GPR107: variants seen among roughly 807,000 people sequenced by gnomAD.
GPR107 encodes the protein protein GPR107.
In GPR107, 31 loss-of-function variants were observed where a neutral mutation model predicts 75.5. The observed-to-expected ratio is 0.41, with a 90% CI of 0.31 to 0.55. The LOEUF (loss-of-function observed/expected upper bound fraction) is 0.55. Ranked by LOEUF, GPR107 falls within the 20% of genes least tolerant of loss-of-function variation. The probability of loss-of-function intolerance (pLI) is 0.26; values close to 1 mark genes in which losing one functional copy is unlikely to be tolerated. For missense variants in GPR107, 572 were observed against 665.7 expected, an observed-to-expected ratio of 0.86 and a Z score of 1.55; for synonymous variants, 267 against 251.3, an observed-to-expected ratio of 1.06 and a Z score of -0.59.
chr9:130,086,373 G>GA, intron 6 of GPR107, 47 bp from the exon 7 acceptor site: 1 of 632,614 alleles, frequency 1.6e-6, no homozygotes, highest in Non-Finnish European at 2.6e-6. Flanking sequence ...TAATTAGCAT[G>GA]CTTCTATGCC....
chr9:130,118,501 T>C (rs1428743288), intron 14 of GPR107, among the ~76,000 whole-genome samples: 4 of 152,002 alleles, frequency 2.6e-5, no homozygotes, highest in Non-Finnish European at 5.9e-5. Context: ...CCTGCCTCAG[T>C]GGGCACTTGT....
At chr9:130,126,085 CCT>C (rs752888444) in intron 15 of GPR107, among the ~76,000 whole-genome samples, 1 of 151,102 alleles carries the variant, frequency 6.6e-6, no homozygotes, top group African/African-American at 2.4e-5. Context: ...GGAGTATCTA[CCT>C]CTCTCTTCTT....
chr9:130,066,537 G>T (rs943331272), intron 1 of GPR107, among the ~76,000 whole-genome samples: 1 of 152,086 alleles, frequency 6.6e-6, no homozygotes, highest in Admixed American at 6.6e-5. Context: ...AATGTTTGCT[G>T]CAACTGGGCG....
chr9:130,107,533 G>A lies in GPR107; in HGVS notation c.1300G>A (p.Gly434Arg), dbSNP rs767614900. 6.9e-6 allele frequency: 11 copies of A among 1,593,198 alleles called. No homozygotes were observed. Among genetic ancestry groups the A allele is most frequent in the Non-Finnish European group, 6.9e-6 (8 of 1,161,024 alleles). Residue 434 changes from glycine to arginine, a missense_variant, in exon 14 of 18, where the codon GGA (glycine) becomes AGA (arginine). Gly to Arg is a moderately radical substitution (Grantham distance 125, BLOSUM62 -2). Coordinates refer to ENST00000347136, the MANE Select transcript of GPR107 (RefSeq NM_020960.5). ...TTTACAAGAAGCATCAGCAACAGATGGAAAAGGCAAGTTCTCTCGTGCTCA... is the reference window on the plus strand; with the variant it reads ...TTTACAAGAAGCATCAGCAACAGATAGAAAAGGCAAGTTCTCTCGTGCTCA... ...RHLQEASATD[G>R]KAAINLAKLK...
intron 9 of GPR107, among the ~76,000 whole-genome samples, chr9:130,096,703 G>A (rs1228719436): frequency 7.2e-5 from 11 of 152,052 alleles, no homozygotes. Flanking sequence ...CCTGACCTCA[G>A]GTGATCGGCC....
At chr9:130,119,911 T>C (rs1460172472) in intron 14 of GPR107, among the ~76,000 whole-genome samples, 1 of 152,198 alleles carries the variant, frequency 6.6e-6, no homozygotes, top group African/African-American at 2.4e-5. Flanking sequence ...AGTCACGGCT[T>C]ACTTTGGCCT....
intron 9 of GPR107, 59 bp from the exon 10 acceptor site, chr9:130,099,398 T>G (rs1445277350): frequency 1.5e-4 from 138 of 932,636 alleles, no homozygotes; most frequent in Non-Finnish European, 6.6e-5. Flanking sequence ...GTCTGGAGCT[T>G]TGGCTGTCCT....
chr9:130,115,058 T>A (rs1299906061), intron 14 of GPR107, among the ~76,000 whole-genome samples: 1 of 152,212 alleles, frequency 6.6e-6, no homozygotes, highest in East Asian at 1.9e-4. Flanking sequence ...AATCACTGAG[T>A]GCATCATGGC....
At position 130,125,015 on chromosome 9, in the gene GPR107, G is replaced by C. The variant is rs762904905; in HGVS notation, c.1356+51G>C. 2.8e-4 allele frequency: 253 copies of C among 917,208 alleles called. 3 individuals are homozygous for C. The highest frequency in any genetic ancestry group is 1.3e-3 in the Middle Eastern group (4 of 3,108). 56.8% of individuals were successfully genotyped at this position (917,208 alleles called of 1,614,324 possible). ...AATCTATAAATAAAATCAATTCAAG[G>C]AGTAGAGCAAATGAACTTCCAAAGG... On this transcript the variant is annotated intron_variant, in intron 15 of 17. Coordinates refer to ENST00000347136, the MANE Select transcript of GPR107 (RefSeq NM_020960.5).
In GPR107 at chr9:130,139,394, C is replaced by A. The variant is rs1216501779; in HGVS notation, c.*4273C>A. 6.6e-6 allele frequency: 1 copy of A among 152,162 alleles called. No homozygotes were observed. Among genetic ancestry groups the A allele is most frequent in the Non-Finnish European group, 1.5e-5 (1 of 68,034 alleles). The allele number at this position is 152,162 out of a possible 1,614,324, so 9.4% of individuals were successfully genotyped here. On this transcript the variant is annotated 3_prime_UTR_variant, in exon 18 of 18. Coordinates refer to ENST00000347136, the MANE Select transcript of GPR107 (RefSeq NM_020960.5). ...CACCACCTGGAACGTAGTTATCGGT[C>A]GGCAGGCTGAACATACTCCAGATTC...
At chr9:130,121,549 C>T in intron 14 of GPR107, among the ~76,000 whole-genome samples, 1 of 152,212 alleles carries the variant, frequency 6.6e-6, no homozygotes, top group East Asian at 1.9e-4. Flanking sequence ...CCTAGGCTCT[C>T]CACAGTCCAG....
At chr9:130,077,182 A>AC (rs1363720029) in intron 3 of GPR107, 117 bp from the exon 4 acceptor site, 12 of 670,106 alleles carry the variant, frequency 1.8e-5, no homozygotes, top group Non-Finnish European at 2.7e-5. Flanking sequence ...CACCACGCCC[A>AC]CCGGTTTACT....
rs1490517769 is a variant in GPR107, at chr9:130,075,569, A to G, written c.142-67A>G. 8.3e-5 allele frequency: 71 copies of G among 854,752 alleles called. No individual in the cohort carries two copies. The East Asian group carries it at 1.7e-3, about 21-fold the overall frequency. The allele number at this position is 854,752 out of a possible 1,614,324, so 52.9% of individuals were successfully genotyped here. ...CCTGATATCATACTTTTTAAAGCAA[A>G]TGAATAGGTTAAATAATCAAAAGCA... On this transcript the variant is annotated intron_variant, in intron 1 of 17. Transcript: ENST00000347136.
chr9:130,090,066 A>C (rs1004218623), intron 7 of GPR107, among the ~76,000 whole-genome samples: 1 of 152,184 alleles, frequency 6.6e-6, no homozygotes, highest in Admixed American at 6.6e-5. Context: ...CCGTCATGAA[A>C]AATGCTACCG....
At chr9:130,072,503 G>A (rs1274774687) in intron 1 of GPR107, among the ~76,000 whole-genome samples, 1 of 151,992 alleles carries the variant, frequency 6.6e-6, no homozygotes, top group African/African-American at 2.4e-5. Context: ...ACAGGTGTGA[G>A]CCACCGCGCC....
chr9:130,068,998 C>T (rs1830134546), intron 1 of GPR107, among the ~76,000 whole-genome samples: 1 of 152,078 alleles, frequency 6.6e-6, no homozygotes, highest in Non-Finnish European at 1.5e-5. Flanking sequence ...CCTCGGCCTC[C>T]CAAAGTGCTG....
At chr9:130,092,695 A>G (rs1830771626) in intron 9 of GPR107, among the ~76,000 whole-genome samples, 2 of 151,874 alleles carry the variant, frequency 1.3e-5, no homozygotes, top group Admixed American at 1.3e-4. Flanking sequence ...AGCTCGCTGC[A>G]AGCTCCGCCT....
chr9:130,127,646 T>C, intron 16 of GPR107, 80 bp downstream of exon 16: 2 of 790,952 alleles, frequency 2.5e-6, no homozygotes, highest in South Asian at 2.9e-5. Context: ...CAGTTGTTAC[T>C]AATTTATCTG....
At chr9:130,086,577 G>T in intron 7 of GPR107, 101 bp downstream of exon 7, 1 of 749,246 alleles carries the variant, frequency 1.3e-6, no homozygotes, top group Non-Finnish European at 2.4e-6. Flanking sequence ...TAACAACTTA[G>T]GTATGCCCTG....
Sources: gnomAD v4.1 joint callset for allele counts (sites outside exome capture counted in the v4.1 genomes callset) on GRCh38, gnomAD v4.1.1 for gene constraint, MANE v1.5 for transcripts, NCBI Gene and HGNC (gene_info 2026-07-23, HGNC 2026-07-21) for gene names.